The following LINC00632 variants were observed in gnomAD, a reference collection of about 807,000 sequenced individuals.
The protein encoded by LINC00632 is long independently transcribed non-coding RNA 632, also known as ALDOA related specific transcript.
chrX:140,740,544 TG>T (rs1931208702), intron 3 of LINC00632, among the ~76,000 whole-genome samples: 1 of 110,589 alleles, frequency 9.0e-6, no homozygotes, highest in South Asian at 3.9e-4. Flanking sequence ...ACAAAGTGAA[TG>T]TTTTTTTTTT....
intron 2 of LINC00632, among the ~76,000 whole-genome samples, chrX:140,723,657 CATTCCATAT>C (rs1930802162): frequency 8.5e-5 from 1 of 11,741 alleles, no homozygotes; most frequent in Non-Finnish European, 1.7e-4. Flanking sequence ...TACACACACA[CATTCCATAT>C]ACACACATTC....
intron 3 of LINC00632, among the ~76,000 whole-genome samples, chrX:140,765,920 T>C (rs943642873): frequency 2.7e-5 from 3 of 112,248 alleles, no homozygotes; most frequent in Non-Finnish European, 5.6e-5. Flanking sequence ...GTAAAAGATC[T>C]GGAGAAGATC....
chrX:140,775,482 A>C lies in LINC00632; in HGVS notation n.3501A>C, dbSNP rs758079495. 6.3e-5 allele frequency among the ~76,000 whole-genome samples: 7 copies of C among 111,988 alleles called. No homozygotes were observed. The South Asian group carries it at 2.2e-3, about 36-fold the overall frequency. The stretch of plus-strand genomic sequence containing the variant: ...CTTTTGGCTGCTTTACACATTCCCA[A>C]CTGATGTCCATTTTGAACTCAGTTG... On this transcript the variant is annotated non_coding_transcript_exon_variant, in exon 5 of 5. Transcript: ENST00000648200.
chrX:140,773,322 G>A (rs1931833230), exon 4 of LINC00632, among the ~76,000 whole-genome samples: 1 of 112,230 alleles, frequency 8.9e-6, no homozygotes, highest in African/African-American at 3.3e-5. Flanking sequence ...ACCTGAAGAA[G>A]ACGATTGAGG....
In LINC00632 at chrX:140,790,382, A is replaced by AT. The variant is rs763293927; in HGVS notation, n.18402dup. Among the ~76,000 whole-genome samples, 26 of 110,709 alleles carry AT rather than the reference A, an allele frequency of 2.3e-4. 1 individual carries two copies. The South Asian group carries it at 6.5e-3, about 28-fold the overall frequency. On this transcript the variant is annotated non_coding_transcript_exon_variant, in exon 5 of 5. Coordinates refer to ENST00000648200, the Ensembl canonical transcript of LINC00632. ...TCTTTTTATCATGAACTATATGGGT[A>AT]TATTTTTTTGTTTCTTTTCTGTTCA...
rs192450234 is a variant in LINC00632, at chrX:140,719,158, C to T, written n.104+7502C>T. On this transcript the variant is annotated intron_variant and non_coding_transcript_variant, in intron 2 of 4. Transcript: ENST00000648200. ...TAAGATGTGCTTCATAAAATACAAA[C>T]TTGTTTGACAACACAAATTAAAATA... Among the ~76,000 whole-genome samples the T allele has an allele frequency of 9.8e-5, 11 of 112,264 alleles. No homozygotes were observed. The East Asian group carries it at 2.5e-3, about 26-fold the overall frequency.
chrX:140,749,848 T>G (rs940363826), intron 3 of LINC00632, among the ~76,000 whole-genome samples: 26 of 109,770 alleles, frequency 2.4e-4, no homozygotes, highest in African/African-American at 7.6e-4. Context: ...CCTGGCTAAT[T>G]TTAAACATTT....
chrX:140,733,919 A>C (rs1330240003), exon 3 of LINC00632: 1 of 111,810 alleles, frequency 8.9e-6, no homozygotes, highest in Non-Finnish European at 1.9e-5. Flanking sequence ...GAATGGGAAG[A>C]GGGCTTCGTG....
intron 3 of LINC00632, among the ~76,000 whole-genome samples, chrX:140,771,760 A>G (rs1232425212): frequency 9.9e-6 from 1 of 100,827 alleles, no homozygotes; most frequent in Admixed American, 1.1e-4. Context: ...GCTCACTGCA[A>G]CCTCTGCCCC....
At chrX:140,724,564 C>A (rs1930881393) in intron 2 of LINC00632, among the ~76,000 whole-genome samples, 1 of 43,344 alleles carries the variant, frequency 2.3e-5, no homozygotes, top group Non-Finnish European at 4.5e-5. Flanking sequence ...CTTCCATACA[C>A]AGAGACACAT....
chrX:140,790,198 G>A (rs976958151), exon 5 of LINC00632, among the ~76,000 whole-genome samples: 5 of 110,783 alleles, frequency 4.5e-5, no homozygotes, highest in African/African-American at 1.6e-4. Context: ...TATTTTGTAC[G>A]TTCTTATTGC....
chrX:140,757,202 G>A (rs1931508205), intron 3 of LINC00632, among the ~76,000 whole-genome samples: 1 of 111,799 alleles, frequency 8.9e-6, no homozygotes, highest in Non-Finnish European at 1.9e-5. Context: ...GGATTGCCAT[G>A]ATGGGGTTTC....
At chrX:140,727,440 C>T (rs1001077888) in intron 2 of LINC00632, among the ~76,000 whole-genome samples, 5 of 111,075 alleles carry the variant, frequency 4.5e-5, no homozygotes, top group South Asian at 3.8e-4. Context: ...TACAGGTGCC[C>T]GCCACTACGC....
chrX:140,740,105 G>A (rs1931202379), intron 3 of LINC00632, among the ~76,000 whole-genome samples: 1 of 111,350 alleles, frequency 9.0e-6, no homozygotes, highest in Non-Finnish European at 1.9e-5. Flanking sequence ...GAGGGCTAGG[G>A]AAGAATGGTG....
chrX:140,765,870 C>T (rs1350920976), intron 3 of LINC00632, among the ~76,000 whole-genome samples: 1 of 111,874 alleles, frequency 8.9e-6, no homozygotes, highest in African/African-American at 3.3e-5. Flanking sequence ...TTCTTTTTGT[C>T]TTATGCGGGC....
Position 140,755,179 on chromosome X carries a change from T to TAC in LINC00632, n.192-16899_192-16898insAC, listed in dbSNP as rs575352775. On this transcript the variant is annotated intron_variant and non_coding_transcript_variant, in intron 3 of 4. Coordinates refer to ENST00000648200, the Ensembl canonical transcript of LINC00632. Reference sequence around the variant, plus strand: ...AGAACTTCCTGACACTACAGGTGCTTGAAAAAGAGGTGCTGAGCTACTGTG... The same window carrying TAC: ...AGAACTTCCTGACACTACAGGTGCTTACGAAAAAGAGGTGCTGAGCTACTGTG... Among the ~76,000 whole-genome samples, 809 of 112,232 alleles carry TAC rather than the reference T, an allele frequency of 7.2e-3. 3 individuals are homozygous for TAC. Among genetic ancestry groups the TAC allele is most frequent in the South Asian group, 0.019 (50 of 2,687 alleles).
chrX:140,739,094 C>T (rs1453399786), intron 3 of LINC00632, among the ~76,000 whole-genome samples: 1 of 110,760 alleles, frequency 9.0e-6, no homozygotes, highest in Non-Finnish European at 1.9e-5. Context: ...AGTACCTAGA[C>T]GCTTTCCCAT....
intron 2 of LINC00632, among the ~76,000 whole-genome samples, chrX:140,722,879 G>T (rs888808530): frequency 1.8e-5 from 2 of 110,060 alleles, no homozygotes; most frequent in Admixed American, 9.8e-5. Flanking sequence ...GAGAAACCCC[G>T]TCTCTACTAA....
chrX:140,723,931 C>T lies in LINC00632; in HGVS notation n.105-9947C>T, dbSNP rs775289354. On this transcript the variant is annotated intron_variant and non_coding_transcript_variant, in intron 2 of 4. Transcript: ENST00000648200. ...CATTGCATACACATACACACACATT[C>T]CATACACACACATTCCATACACATG... Among the ~76,000 whole-genome samples the T allele has an allele frequency of 3.7e-5, 4 of 106,849 alleles. No homozygotes were observed. In the East Asian group the frequency reaches 1.2e-3, roughly 33 times the overall value. The allele number at this position is 106,849 out of a possible 115,157, so 92.8% of individuals were successfully genotyped here.
Sources: allele counts gnomAD v4.1 joint callset (sites outside exome capture counted in the v4.1 genomes callset), GRCh38; gene constraint gnomAD v4.1.1; transcripts MANE v1.5; gene names NCBI Gene and HGNC (gene_info 2026-07-23, HGNC 2026-07-21).